The following GPR158 variants were observed in gnomAD, a reference collection of about 807,000 sequenced individuals.
GPR158 encodes the protein G protein-coupled receptor 158, also known as metabotropic glycine receptor.
GPR158 carries 30 observed loss-of-function variants against 78.2 expected under a neutral mutation model. That is an observed-to-expected ratio of 0.38 (90% CI 0.29 to 0.52). The LOEUF is 0.52. Ranked by LOEUF, GPR158 falls within the 20% of genes least tolerant of loss-of-function variation. The probability of loss-of-function intolerance (pLI) is 0.83; values close to 1 mark genes in which losing one functional copy is unlikely to be tolerated. For missense variants in GPR158, 1,463 were observed against 1,523.5 expected, an observed-to-expected ratio of 0.96 and a Z score of 0.66; for synonymous variants, 581 against 591.1, an observed-to-expected ratio of 0.98 and a Z score of 0.25.
intron 5 of GPR158, among the ~76,000 whole-genome samples, chr10:25,479,759 CT>C (rs1390226237): frequency 6.6e-6 from 1 of 152,060 alleles, no homozygotes; most frequent in Non-Finnish European, 1.5e-5. Context: ...ATGATATTCC[CT>C]TTCAATATAT....
Position 25,598,912 on chromosome 10 carries a change from C to T in GPR158, c.3286C>T (p.Pro1096Ser). 1.2e-6 allele frequency: 2 copies of T among 1,613,880 alleles called. No homozygotes were observed. The highest frequency in any genetic ancestry group is 1.7e-6 in the Non-Finnish European group (2 of 1,179,976). ...KLLISKTPVL[P>S]ERAKEENGGQ... ...TTTGATTTCCAAGACTCCAGTTCTC[C>T]CAGAGAGGGCAAAAGAGGAGAACGG... The change falls in exon 11 of 11, where the codon CCA (proline) becomes TCA (serine). Residue 1096 changes from proline (P) to serine (S), a missense_variant. Physicochemically the swap from Pro to Ser is moderately conservative, Grantham distance 74 (BLOSUM62 -1). Coordinates refer to ENST00000376351, the MANE Select transcript of GPR158 (RefSeq NM_020752.3).
intron 6 of GPR158, among the ~76,000 whole-genome samples, chr10:25,568,195 A>G (rs182624733): frequency 8.1e-4 from 123 of 152,262 alleles, no homozygotes; most frequent in Non-Finnish European, 1.2e-3. Context: ...GTATACAGGG[A>G]CTGAACTCAG....
chr10:25,247,812 G>C (rs1339484030), intron 2 of GPR158, among the ~76,000 whole-genome samples: 2 of 148,898 alleles, frequency 1.3e-5, no homozygotes, highest in African/African-American at 4.9e-5. Flanking sequence ...ATGATTTATA[G>C]TCCTTTGGGT....
intron 2 of GPR158, among the ~76,000 whole-genome samples, chr10:25,373,041 A>G (rs761345142): frequency 5.3e-5 from 8 of 151,866 alleles, no homozygotes; most frequent in Non-Finnish European, 1.0e-4. Context: ...AAAGGCATGG[A>G]ATCAACCTAA....
At chr10:25,398,857 A>T (rs953907355) in intron 3 of GPR158, among the ~76,000 whole-genome samples, 1 of 152,136 alleles carries the variant, frequency 6.6e-6, no homozygotes, top group African/African-American at 2.4e-5. Context: ...ACAGAGCAGA[A>T]CAGTCGCTGC....
At chr10:25,314,051 A>T (rs1410392714) in intron 2 of GPR158, among the ~76,000 whole-genome samples, 2 of 152,110 alleles carry the variant, frequency 1.3e-5, no homozygotes, top group African/African-American at 4.8e-5. Flanking sequence ...AGTAAATTTT[A>T]TGAGCTGTAT....
At chr10:25,232,287 T>C (rs2130696475) in intron 2 of GPR158, among the ~76,000 whole-genome samples, 1 of 152,190 alleles carries the variant, frequency 6.6e-6, no homozygotes, top group South Asian at 2.1e-4. Flanking sequence ...CATCATTAAC[T>C]TATGTGGGAA....
At chr10:25,478,494 G>A (rs1221896949) in intron 5 of GPR158, among the ~76,000 whole-genome samples, 13 of 77,692 alleles carry the variant, frequency 1.7e-4, no homozygotes, top group Non-Finnish European at 3.0e-4. Context: ...TATATAATGC[G>A]TGTGTGTGTG....
At chr10:25,220,862 C>T (rs1853290374) in intron 1 of GPR158, among the ~76,000 whole-genome samples, 190 bp from the exon 2 acceptor site, 5 of 152,146 alleles carry the variant, frequency 3.3e-5, no homozygotes, top group Admixed American at 2.6e-4. Context: ...TTTGGACTTA[C>T]ATAAAGCCAA....
chr10:25,304,256 C>T (rs573629152), intron 2 of GPR158, among the ~76,000 whole-genome samples: 6 of 152,128 alleles, frequency 3.9e-5, no homozygotes, highest in African/African-American at 1.2e-4. Flanking sequence ...ACCTTAGCAA[C>T]TGTCTGATAG....
chr10:25,550,848 T>C, intron 5 of GPR158, 128 bp from the exon 6 acceptor site: 1 of 633,060 alleles, frequency 1.6e-6, no homozygotes, highest in East Asian at 2.7e-5. Context: ...AAAATAGTAT[T>C]TTAAAGAAGT....
chr10:25,444,137 G>A (rs1362157536), intron 4 of GPR158, among the ~76,000 whole-genome samples: 1 of 152,098 alleles, frequency 6.6e-6, no homozygotes, highest in Non-Finnish European at 1.5e-5. Flanking sequence ...ATTACTCCTG[G>A]TGGTTGAAAA....
At chr10:25,543,013 A>G (rs554121242) in intron 5 of GPR158, among the ~76,000 whole-genome samples, 1 of 152,276 alleles carries the variant, frequency 6.6e-6, no homozygotes, top group South Asian at 2.1e-4. Context: ...CTTCTTTGTT[A>G]TTGAAATTGA....
intron 5 of GPR158, among the ~76,000 whole-genome samples, chr10:25,486,751 A>G (rs1177496979): frequency 6.6e-6 from 1 of 151,848 alleles, no homozygotes; most frequent in Admixed American, 6.6e-5. Context: ...TTCAAACTAT[A>G]TGTGGTAAAG....
intron 4 of GPR158, among the ~76,000 whole-genome samples, chr10:25,435,491 G>A (rs530210507): frequency 6.6e-6 from 1 of 152,238 alleles, no homozygotes; most frequent in African/African-American, 2.4e-5. Context: ...GTCTATGAAG[G>A]CACCCAAGTG....
At chr10:25,219,692 A>G (rs890330086) in intron 1 of GPR158, among the ~76,000 whole-genome samples, 1 of 152,204 alleles carries the variant, frequency 6.6e-6, no homozygotes, top group Non-Finnish European at 1.5e-5. Context: ...ACAGAGGCAG[A>G]CTGAAAAAAT....
chr10:25,423,858 T>G (rs189097623), intron 4 of GPR158, among the ~76,000 whole-genome samples: 1,528 of 152,338 alleles, frequency 0.01, 6 homozygotes, highest in Middle Eastern at 0.034. Flanking sequence ...TGTGCATGTG[T>G]CTTTATAGTA....
chr10:25,329,090 G>A (rs1176564912), intron 2 of GPR158, among the ~76,000 whole-genome samples: 2 of 152,132 alleles, frequency 1.3e-5, no homozygotes, highest in East Asian at 3.9e-4. Flanking sequence ...TTGGTAGTTT[G>A]ATTGAAATGC....
chr10:25,599,268 A>C lies in GPR158; in HGVS notation c.3642A>C (p.Lys1214Asn). The change falls in exon 11 of 11, where the codon AAA becomes AAC. Residue 1214 changes from lysine to asparagine, a missense_variant. Lys to Asn is a moderately conservative substitution (Grantham distance 94, BLOSUM62 0). Coordinates refer to ENST00000376351, the MANE Select transcript of GPR158 (RefSeq NM_020752.3). ...PRKEEIWDSFKV is the reference protein window; with the variant it reads ...PRKEEIWDSFNV ...AAGAAGAGATCTGGGATAGTTTTAA[A>C]GTGTAGCATCTCCAGGAAGAAGAGG... is the stretch of plus-strand genomic sequence containing the variant. 6.2e-7 allele frequency: 1 copy of C among 1,604,118 alleles called. No homozygotes were observed. Among genetic ancestry groups the C allele is most frequent in the Non-Finnish European group, 8.5e-7 (1 of 1,175,006 alleles).
Sources: allele counts gnomAD v4.1 joint callset (sites outside exome capture counted in the v4.1 genomes callset), GRCh38; gene constraint gnomAD v4.1.1; transcripts MANE v1.5; gene names NCBI Gene and HGNC (gene_info 2026-07-23, HGNC 2026-07-21).